ATP6V0E1: variants seen among roughly 807,000 people sequenced by gnomAD.
ATP6V0E1 encodes the protein V-type proton ATPase subunit e 1.
In ATP6V0E1, 4 loss-of-function variants were observed where a neutral mutation model predicts 11.6. That is an observed-to-expected ratio of 0.35 (90% CI 0.17 to 0.79). ATP6V0E1 has a LOEUF of 0.79. Ranked by LOEUF, ATP6V0E1 falls within the 30% of genes least tolerant of loss-of-function variation. The pLI is 0.54. For missense variants in ATP6V0E1, 105 were observed against 100.0 expected (o/e 1.05, Z -0.21); for synonymous variants, 36 against 34.8 (o/e 1.04, Z -0.13).
chr5:173,022,419 A>C (rs987939667), intron 3 of ATP6V0E1, among the ~76,000 whole-genome samples: 2 of 152,136 alleles, frequency 1.3e-5, no homozygotes, highest in Non-Finnish European at 2.9e-5. Flanking sequence ...TCATAGCCTG[A>C]ATTAATCATT....
intron 3 of ATP6V0E1, among the ~76,000 whole-genome samples, chr5:173,023,919 C>T (rs780624998): frequency 9.9e-5 from 15 of 151,938 alleles, no homozygotes; most frequent in Admixed American, 1.3e-4. Flanking sequence ...ATCATGGGGC[C>T]GGGCACGGTG....
In ATP6V0E1 at chr5:173,020,287, T is replaced by C. The variant is rs2113607678; in HGVS notation, c.202T>C (p.Leu68=). Residue 68 remains leucine (L), a synonymous_variant, in exon 3 of 4, where the codon TTG becomes CTG. Coordinates refer to ENST00000519374, the MANE Select transcript of ATP6V0E1 (RefSeq NM_003945.4). ...ACTCAACCCTCTCTTTGGACCGCAA[T>C]TGAAAAATGAAACCATCTGGTATCT... The part of the protein sequence containing the change: ...AQLNPLFGPQ[L]KNETIWYLKY... 1 of 1,614,018 alleles carries C rather than the reference T, an allele frequency of 6.2e-7. No homozygotes were observed. The highest frequency in any genetic ancestry group is 8.5e-7 in the Non-Finnish European group (1 of 1,179,908).
At chr5:172,997,152 T>G (rs2113585700) in intron 2 of ATP6V0E1, among the ~76,000 whole-genome samples, 1 of 152,310 alleles carries the variant, frequency 6.6e-6, no homozygotes, top group African/African-American at 2.4e-5. Context: ...TTAATTCAGT[T>G]TTTAAACATA....
At chr5:173,029,288 C>T (rs1756611915) in intron 3 of ATP6V0E1, among the ~76,000 whole-genome samples, 1 of 152,160 alleles carries the variant, frequency 6.6e-6, no homozygotes, top group Non-Finnish European at 1.5e-5. Context: ...ACTCCGAGTA[C>T]TCTGGCTGGG....
chr5:173,013,621 T>TA (rs1414646206), intron 2 of ATP6V0E1, among the ~76,000 whole-genome samples: 2 of 132,938 alleles, frequency 1.5e-5, no homozygotes, highest in African/African-American at 2.8e-5. Flanking sequence ...TGGGAGAAAA[T>TA]ATTTGCAAAC....
At chr5:173,008,751 T>C (rs2113596171) in intron 2 of ATP6V0E1, among the ~76,000 whole-genome samples, 1 of 147,650 alleles carries the variant, frequency 6.8e-6, no homozygotes, top group South Asian at 2.1e-4. Flanking sequence ...CTACTAAAAA[T>C]ACAAAAAAAA....
At chr5:173,013,543 C>A (rs192697765) in intron 2 of ATP6V0E1, among the ~76,000 whole-genome samples, 23 of 147,890 alleles carry the variant, frequency 1.6e-4, no homozygotes, top group Middle Eastern at 3.6e-3. Context: ...CCACTGCACT[C>A]CAGCCTGGGC....
chr5:173,009,417 C>T (rs1359432694), intron 2 of ATP6V0E1, among the ~76,000 whole-genome samples: 1 of 151,396 alleles, frequency 6.6e-6, no homozygotes, highest in Non-Finnish European at 1.5e-5. Flanking sequence ...AACAAAAATT[C>T]CCCTGAACAG....
intron 2 of ATP6V0E1, among the ~76,000 whole-genome samples, chr5:173,003,162 G>A (rs957834512): frequency 6.6e-6 from 1 of 152,152 alleles, no homozygotes; most frequent in African/African-American, 2.4e-5. Flanking sequence ...GTCCTTGTGT[G>A]ATTGACAGCA....
At chr5:172,989,983 G>A (rs1045913785) in intron 1 of ATP6V0E1, among the ~76,000 whole-genome samples, 1 of 152,058 alleles carries the variant, frequency 6.6e-6, no homozygotes, top group Non-Finnish European at 1.5e-5. Flanking sequence ...CAACAGGCAT[G>A]CACCACCATG....
At chr5:173,013,756 T>C (rs1756365444) in intron 2 of ATP6V0E1, among the ~76,000 whole-genome samples, 1 of 152,024 alleles carries the variant, frequency 6.6e-6, no homozygotes, top group South Asian at 2.1e-4. Context: ...AAAGAAGACA[T>C]TACAAATGGC....
intron 1 of ATP6V0E1, among the ~76,000 whole-genome samples, chr5:172,989,333 C>A (rs950996890): frequency 3.3e-5 from 5 of 151,980 alleles, no homozygotes; most frequent in Admixed American, 3.3e-4. Context: ...AGTGAGACCC[C>A]ATCCCTTAAA....
chr5:173,020,745 A>G lies in ATP6V0E1; in HGVS notation c.*36+378A>G, dbSNP rs779766546. 10 of 519,494 alleles carry G rather than the reference A, an allele frequency of 1.9e-5. No individual in the cohort carries two copies. The East Asian group carries it at 4.9e-4, about 25-fold the overall frequency. 32.2% of individuals were successfully genotyped at this position (519,494 alleles called of 1,614,324 possible). ...GGTTTCTTTCCAGCAGTAGTCAGCC[A>G]TCCGGACAGAACCGTTCCTGTGATG... On this transcript the variant is annotated intron_variant, in intron 3 of 3. Transcript: ENST00000519374.
Position 172,998,861 on chromosome 5 carries a change from C to T in ATP6V0E1, c.152+4039C>T, listed in dbSNP as rs116857675. 4.0e-3 allele frequency among the ~76,000 whole-genome samples: 612 copies of T among 152,118 alleles called. 10 individuals carry two copies. Among genetic ancestry groups the T allele is most frequent in the East Asian group, 0.036 (188 of 5,166 alleles). On this transcript the variant is annotated intron_variant, in intron 2 of 3. Transcript: ENST00000519374. ...TACCTTATAAAAGGGAAAATGGGGGCCGGGCGTGTTGGCTTATGCCTGTAT... is the reference window on the plus strand; with the variant it reads ...TACCTTATAAAAGGGAAAATGGGGGTCGGGCGTGTTGGCTTATGCCTGTAT...
intron 2 of ATP6V0E1, among the ~76,000 whole-genome samples, chr5:173,018,414 G>A (rs1189717248): frequency 6.6e-6 from 1 of 152,118 alleles, no homozygotes; most frequent in African/African-American, 2.4e-5. Flanking sequence ...AGGCAGAAGA[G>A]GTGGAGGAGG....
chr5:173,034,717 A>G lies in ATP6V0E1; in HGVS notation c.*355A>G. 2.3e-6 allele frequency: 1 copy of G among 434,222 alleles called. No individual in the cohort carries two copies. Among genetic ancestry groups the G allele is most frequent in the East Asian group, 3.8e-5 (1 of 26,382 alleles). 26.9% of individuals were successfully genotyped at this position (434,222 alleles called of 1,614,324 possible). A position where few individuals can be genotyped will look rare whatever the true frequency, so the allele number is the denominator to read the frequency against. ...GCTCCTGCCTTCTCACGTGGGAATC[A>G]GTGAAGTGTTTAGAAACTGCTGCAA... On this transcript the variant is annotated 3_prime_UTR_variant, in exon 4 of 4. Coordinates refer to ENST00000519374, the MANE Select transcript of ATP6V0E1 (RefSeq NM_003945.4).
intron 3 of ATP6V0E1, among the ~76,000 whole-genome samples, chr5:173,032,513 A>G (rs1756680684): frequency 1.3e-5 from 2 of 151,328 alleles, no homozygotes; most frequent in African/African-American, 4.9e-5. Flanking sequence ...CTGATCTCGA[A>G]CTCCTGACCT....
chr5:172,994,831 T>C lies in ATP6V0E1; in HGVS notation c.152+9T>C. On this transcript the variant is annotated intron_variant, in intron 2 of 3. Coordinates refer to ENST00000519374, the MANE Select transcript of ATP6V0E1 (RefSeq NM_003945.4). ...GTTTGCTGCTATCTCTTGTAAGTAATTTTTTCTTAAGTAATTATTCTTGGT... is the reference window on the plus strand; with the variant it reads ...GTTTGCTGCTATCTCTTGTAAGTAACTTTTTCTTAAGTAATTATTCTTGGT... 6.3e-7 allele frequency: 1 copy of C among 1,595,646 alleles called. No homozygotes were observed. Among genetic ancestry groups the C allele is most frequent in the South Asian group, 1.1e-5 (1 of 88,810 alleles).
At chr5:172,985,448 C>G (rs187593256) in intron 1 of ATP6V0E1, among the ~76,000 whole-genome samples, 16 of 152,236 alleles carry the variant, frequency 1.1e-4, no homozygotes, top group African/African-American at 3.1e-4. Flanking sequence ...GGGGTCATCT[C>G]TCCTACCTAT....
Sources: allele counts gnomAD v4.1 joint callset (sites outside exome capture counted in the v4.1 genomes callset), GRCh38; gene constraint gnomAD v4.1.1; transcripts MANE v1.5; gene names NCBI Gene and HGNC (gene_info 2026-07-23, HGNC 2026-07-21).